The following SCYL1 variants were observed in gnomAD, a reference collection of about 807,000 sequenced individuals.
SCYL1 encodes SCY1 like pseudokinase 1.
SCYL1 carries 85 observed loss-of-function variants against 94.8 expected under a neutral mutation model. The observed-to-expected ratio is 0.90, with a 90% CI of 0.75 to 1.07. The LOEUF (loss-of-function observed/expected upper bound fraction) is 1.07. Among genes scored for constraint, SCYL1 ranks in the 50% least tolerant of loss-of-function variants. The pLI is 0.00. For synonymous variants in SCYL1, 459 were observed against 435.5 expected, an observed-to-expected ratio of 1.05 and a Z score of -0.67; for missense variants, 968 against 1,083.3, an observed-to-expected ratio of 0.89 and a Z score of 1.49.
Position 65,538,659 on chromosome 11 carries a change from C to T in SCYL1, c.*93C>T, listed in dbSNP as rs921446147. 4 of 1,399,002 alleles carry T rather than the reference C, an allele frequency of 2.9e-6. No individual in the cohort carries two copies. The highest frequency in any genetic ancestry group is 1.4e-5 in the African/African-American group (1 of 70,122). 86.7% of individuals were successfully genotyped at this position (1,399,002 alleles called of 1,614,324 possible). On this transcript the variant is annotated 3_prime_UTR_variant, in exon 18 of 18. Transcript: ENST00000270176. ...GTGAGCCCGGCCGGCCCAGCCAGGC[C>T]ATCTCACGTGTACATAATCAGAGCC...
At position 65,531,443 on chromosome 11, in the gene SCYL1, T is replaced by G. The variant is rs1197897624; in HGVS notation, c.1009-133T>G. On this transcript the variant is annotated intron_variant, in intron 7 of 17. Coordinates refer to ENST00000270176, the MANE Select transcript of SCYL1 (RefSeq NM_020680.4). ...GATGGAATATGGGTAGAGGAGCTAC[T>G]GAGGAAATGCCTGCCCCCCCCTCCG... 4 of 683,496 alleles carry G rather than the reference T, an allele frequency of 5.9e-6. No individual in the cohort carries two copies. In the African/African-American group the frequency reaches 7.0e-5, roughly 12 times the overall value. The allele number at this position is 683,496 out of a possible 1,614,324, so 42.3% of individuals were successfully genotyped here.
intron 12 of SCYL1, 24 bp from the exon 13 acceptor site, chr11:65,536,562 C>A: frequency 6.2e-7 from 1 of 1,613,354 alleles, no homozygotes; most frequent in Non-Finnish European, 8.5e-7. Context: ...CCCATACCCA[C>A]CTCTCTCTCA....
intron 10 of SCYL1, 89 bp from the exon 11 acceptor site, chr11:65,535,864 G>A: frequency 1.6e-6 from 2 of 1,260,578 alleles, no homozygotes; most frequent in Middle Eastern, 2.8e-4. Context: ...GGACCTATGG[G>A]TGGTCCCATT....
chr11:65,525,437 G>A, intron 1 of SCYL1, 137 bp from the exon 2 acceptor site: 1 of 1,172,576 alleles, frequency 8.5e-7, no homozygotes, highest in Non-Finnish European at 1.2e-6. Context: ...GGGACCGACA[G>A]GCGGACAGGG....
chr11:65,535,105 TG>T, intron 9 of SCYL1, 121 bp from the exon 10 acceptor site: 1 of 1,271,920 alleles, frequency 7.9e-7, no homozygotes. Flanking sequence ...AGGCCCAGGC[TG>T]GGAGGTGGCC....
At chr11:65,536,785 G>A in intron 13 of SCYL1, 35 bp downstream of exon 13, 2 of 1,567,418 alleles carry the variant, frequency 1.3e-6, no homozygotes, top group Non-Finnish European at 1.7e-6. Context: ...CAGTGGCTGA[G>A]AGGGCTGAGA....
At position 65,530,775 on chromosome 11, in the gene SCYL1, G is replaced by T; in HGVS notation, c.996G>T (p.Thr332=). 3.1e-6 allele frequency: 5 copies of T among 1,612,066 alleles called. No homozygotes were observed. The South Asian group carries it at 5.5e-5, about 18-fold the overall frequency. Residue 332 remains threonine (T), a synonymous_variant, in exon 7 of 18, where the codon ACG becomes ACT. Coordinates refer to ENST00000270176, the MANE Select transcript of SCYL1 (RefSeq NM_020680.4). ...GCAATGCTGGGGCCGTTGTCCTCAC[G>T]CCCCTCTTCAAGGTGAGTGGAACTG... The part of the protein sequence containing the change: ...EFGNAGAVVL[T]PLFKVGKFLS...
At chr11:65,530,587 C>T (rs369432034) in intron 6 of SCYL1, 42 bp from the exon 7 acceptor site, 10 of 1,585,688 alleles carry the variant, frequency 6.3e-6, no homozygotes, top group Non-Finnish European at 7.7e-6. Context: ...TGGGCTGCAA[C>T]CAGGCTGATC....
intron 9 of SCYL1, among the ~76,000 whole-genome samples, chr11:65,533,981 G>GC (rs755744590): frequency 4.2e-4 from 64 of 152,036 alleles, no homozygotes; most frequent in Non-Finnish European, 4.3e-4. Flanking sequence ...TGTAATCCCA[G>GC]ACTTTGGGAG....
rs1554970718 is a variant in SCYL1 at position 65,538,000 on chromosome 11, C to T, written c.2065C>T (p.Pro689Ser). The T allele has an allele frequency of 6.2e-7, 1 of 1,612,934 alleles. No individual in the cohort carries two copies. Among genetic ancestry groups the T allele is most frequent in the South Asian group, 1.1e-5 (1 of 90,854 alleles). ...CTCCGACCACAAATCCTCCAAATCC[C>T]CAGAGTCCGACTGGAGCAGCTGGGA... is the stretch of plus-strand genomic sequence containing the variant. ...SNSDHKSSKS[P>S]ESDWSSWEAE... Residue 689 changes from proline to serine, a missense_variant, in exon 16 of 18, where the codon CCA becomes TCA. This residue lies in a region of SCYL1 where 474 missense variants were observed against 463.6 expected (regional missense o/e 1.02). Coordinates refer to ENST00000270176, the MANE Select transcript of SCYL1 (RefSeq NM_020680.4).
At chr11:65,534,210 A>C in intron 9 of SCYL1, among the ~76,000 whole-genome samples, 1 of 151,056 alleles carries the variant, frequency 6.6e-6, no homozygotes, top group East Asian at 1.9e-4. Flanking sequence ...CAGCCTGGGC[A>C]ACAGAGCAAG....
At chr11:65,532,956 C>T (rs868774702) in intron 9 of SCYL1, 151 bp downstream of exon 9, 1 of 619,716 alleles carries the variant, frequency 1.6e-6, no homozygotes, top group Non-Finnish European at 2.9e-6. Flanking sequence ...AGCTCGGCAG[C>T]TGGCGGGGGA....
At position 65,538,340 on chromosome 11, in the gene SCYL1, G is replaced by A. The variant is rs766010966; in HGVS notation, c.2302+16G>A. ...ACTGACAGTCGTAAGTGCTTCCCCTGGGTGGGCTGAAGACTAGGGCTCCCC... is the reference window on the plus strand; with the variant it reads ...ACTGACAGTCGTAAGTGCTTCCCCTAGGTGGGCTGAAGACTAGGGCTCCCC... On this transcript the variant is annotated intron_variant, in intron 17 of 17. Coordinates refer to ENST00000270176, the MANE Select transcript of SCYL1 (RefSeq NM_020680.4). 1.4e-5 allele frequency: 22 copies of A among 1,544,616 alleles called. No homozygotes were observed. Among genetic ancestry groups the A allele is most frequent in the Admixed American group, 4.0e-5 (2 of 50,090 alleles).
At chr11:65,533,150 G>A (rs140358806) in intron 9 of SCYL1, 6 of 269,662 alleles carry the variant, frequency 2.2e-5, no homozygotes, top group African/African-American at 4.4e-5. Context: ...GGCTGGTCAC[G>A]GTGGCTCACG....
rs1455976133 is a variant in SCYL1, at chr11:65,525,243, C to T, written c.90C>T (p.Ala30=). 1.4e-6 allele frequency: 2 copies of T among 1,458,138 alleles called. No homozygotes were observed. Among genetic ancestry groups the T allele is most frequent in the East Asian group, 3.0e-5 (1 of 33,886 alleles). The allele number at this position is 1,458,138 out of a possible 1,614,324, so 90.3% of individuals were successfully genotyped here. A position where few individuals can be genotyped will look rare whatever the true frequency, so the allele number is the denominator to read the frequency against. Residue 30 remains alanine (A), a synonymous_variant, in exon 1 of 18, where the codon GCC becomes GCT. Transcript: ENST00000270176. ...AGGGCGGCCTGCCCGGGCCCTGGGC[C>T]CTGCACCGCGGCCGCAAGAAGGTGA... The part of the protein sequence containing the change: ...PPEGGLPGPW[A]LHRGRKKATG...
intron 1 of SCYL1, 141 bp from the exon 2 acceptor site, chr11:65,525,433 G>C: frequency 1.7e-6 from 2 of 1,146,876 alleles, no homozygotes; most frequent in Non-Finnish European, 1.2e-6. Context: ...CCGAGGGACC[G>C]ACAGGCGGAC....
At chr11:65,532,321 A>T (rs1855418305) in intron 8 of SCYL1, among the ~76,000 whole-genome samples, 1 of 151,106 alleles carries the variant, frequency 6.6e-6, no homozygotes, top group Admixed American at 6.6e-5. Flanking sequence ...GCTGCTCAGG[A>T]GGCTGAGGCA....
In SCYL1 at chr11:65,538,593, C is replaced by A; in HGVS notation, c.*27C>A. The A allele has an allele frequency of 6.2e-7, 1 of 1,601,074 alleles. No individual in the cohort carries two copies. Among genetic ancestry groups the A allele is most frequent in the Non-Finnish European group, 8.5e-7 (1 of 1,174,142 alleles). Reference sequence around the variant, plus strand: ...CCGTGGCGGTGGCCCTTCCCGGCTGCGGAGAGCCCGCCCCACAGATGTATT... The same window carrying A: ...CCGTGGCGGTGGCCCTTCCCGGCTGAGGAGAGCCCGCCCCACAGATGTATT... On this transcript the variant is annotated 3_prime_UTR_variant, in exon 18 of 18. Coordinates refer to ENST00000270176, the MANE Select transcript of SCYL1 (RefSeq NM_020680.4).
At chr11:65,534,965 G>T (rs1855564792) in intron 9 of SCYL1, among the ~76,000 whole-genome samples, 1 of 152,224 alleles carries the variant, frequency 6.6e-6, no homozygotes, top group African/African-American at 2.4e-5. Context: ...GTTTGTGTGA[G>T]TCTAGGTGGA....
Sources: allele counts gnomAD v4.1 joint callset (sites outside exome capture counted in the v4.1 genomes callset), GRCh38; gene constraint gnomAD v4.1.1; regional missense constraint gnomAD v4.1.1; transcripts MANE v1.5; gene names NCBI Gene and HGNC (gene_info 2026-07-23, HGNC 2026-07-21).